Variants in UBE2V2 observed in about 807,000 individuals in gnomAD.
UBE2V2 encodes ubiquitin-conjugating enzyme E2 variant 2.
UBE2V2 carries 9 observed loss-of-function variants against 17.2 expected under a neutral mutation model. That is an observed-to-expected ratio of 0.52 (90% confidence interval 0.32 to 0.91). The LOEUF (loss-of-function observed/expected upper bound fraction) is 0.91. UBE2V2 is among the 40% of genes least tolerant of loss of function. The pLI is 0.04. For synonymous variants in UBE2V2, 61 were observed against 57.5 expected (o/e 1.06, Z -0.28); for missense variants, 133 against 182.6 (o/e 0.73, Z 1.56).
chr8:48,000,562 C>T, the UBE2V2 span, among the ~76,000 whole-genome samples: 1 of 152,122 alleles, frequency 6.6e-6, no homozygotes, highest in Non-Finnish European at 1.5e-5. Context: ...TGGCTCATGC[C>T]TGTAATCCCA....
At chr8:48,005,712 T>G (rs1357247002), upstream of UBE2V2, among the ~76,000 whole-genome samples, 1 of 152,258 alleles carries the variant, frequency 6.6e-6, no homozygotes, top group Admixed American at 6.5e-5. Flanking sequence ...ATCACCATTC[T>G]ACCTGGTGTG....
Position 48,043,061 on chromosome 8 carries a change from G to T in UBE2V2, c.45G>T (p.Leu15Phe). 6.3e-7 allele frequency: 1 copy of T among 1,576,436 alleles called. No individual in the cohort carries two copies. The highest frequency in any genetic ancestry group is 8.6e-7 in the Non-Finnish European group (1 of 1,161,030). Residue 15 changes from leucine (L) to phenylalanine (F), a missense_variant, in exon 2 of 4, where the codon TTG becomes TTT. By Grantham distance (22) the Leu-to-Phe change is conservative. This residue lies in a region of UBE2V2 where 27 missense variants were observed against 20.1 expected (regional missense o/e 1.34). Coordinates refer to ENST00000523111, the MANE Select transcript of UBE2V2 (RefSeq NM_003350.3). ...TTAAAGTTCCTCGTAATTTTCGCTTGTTGGAAGAACTTGAAGAAGGACAAA... is the reference window on the plus strand; with the variant it reads ...TTAAAGTTCCTCGTAATTTTCGCTTTTTGGAAGAACTTGAAGAAGGACAAA... Reference protein sequence around the residue: ...TGVKVPRNFRLLEELEEGQKG... With the variant: ...TGVKVPRNFRFLEELEEGQKG...
chr8:48,035,667 A>G (rs1319197421), intron 1 of UBE2V2, among the ~76,000 whole-genome samples: 2 of 54,404 alleles, frequency 3.7e-5, no homozygotes, highest in African/African-American at 8.8e-5. Context: ...GTGTATATGT[A>G]TGTATGCTTT....
At chr8:48,042,938 T>C (rs944692964) in intron 1 of UBE2V2, 95 bp from the exon 2 acceptor site, 4 of 1,253,078 alleles carry the variant, frequency 3.2e-6, no homozygotes, top group Admixed American at 3.0e-5. Context: ...TGGGAAATAA[T>C]TTATAAAGGT....
chr8:48,011,532 G>C (rs1469970491), intron 1 of UBE2V2, among the ~76,000 whole-genome samples: 1 of 152,084 alleles, frequency 6.6e-6, no homozygotes, highest in Non-Finnish European at 1.5e-5. Flanking sequence ...TTGTTTAAGA[G>C]GCCAAAAAGA....
chr8:48,029,047 C>A (rs1162655489), intron 1 of UBE2V2, among the ~76,000 whole-genome samples: 2 of 152,048 alleles, frequency 1.3e-5, no homozygotes, highest in Non-Finnish European at 2.9e-5. Flanking sequence ...CTAGCTGGTA[C>A]TTTGTTTTAA....
intron 3 of UBE2V2, among the ~76,000 whole-genome samples, chr8:48,052,465 T>C (rs1198494609): frequency 6.6e-6 from 1 of 152,180 alleles, no homozygotes; most frequent in African/African-American, 2.4e-5. Context: ...GTAGTTGATA[T>C]TTTGCCTCCC....
At chr8:48,002,773 C>A in the UBE2V2 span, among the ~76,000 whole-genome samples, 6 of 152,240 alleles carry the variant, frequency 3.9e-5, no homozygotes, top group South Asian at 1.2e-3. Flanking sequence ...TTAATAACAA[C>A]GTACTGTATT....
chr8:48,011,716 C>T (rs1020585464), intron 1 of UBE2V2, among the ~76,000 whole-genome samples: 1 of 152,146 alleles, frequency 6.6e-6, no homozygotes. Context: ...CAGTGGCATG[C>T]GATCATGGCT....
chr8:48,055,344 C>T lies in UBE2V2; in HGVS notation c.292-5338C>T, dbSNP rs576100048. Among the ~76,000 whole-genome samples the T allele has an allele frequency of 1.3e-5, 2 of 151,764 alleles. 1 individual carries two copies. The highest frequency in any genetic ancestry group is 4.8e-5 in the African/African-American group (2 of 41,384). On this transcript the variant is annotated intron_variant, in intron 3 of 3. Coordinates refer to ENST00000523111, the MANE Select transcript of UBE2V2 (RefSeq NM_003350.3). ...CCTCCCTAGTAGCTGGGATTACAGGCGCCCGCCAACATGACCAGCTAATTT... is the reference window on the plus strand; with the variant it reads ...CCTCCCTAGTAGCTGGGATTACAGGTGCCCGCCAACATGACCAGCTAATTT...
At chr8:48,047,445 G>C (rs188367606) in intron 2 of UBE2V2, among the ~76,000 whole-genome samples, 1 of 152,132 alleles carries the variant, frequency 6.6e-6, no homozygotes, top group East Asian at 1.9e-4. Flanking sequence ...GTGAAATAAT[G>C]ATTAGATAAT....
chr8:47,997,835 G>A, the UBE2V2 span, among the ~76,000 whole-genome samples: 3 of 151,904 alleles, frequency 2.0e-5, no homozygotes, highest in African/African-American at 4.8e-5. Flanking sequence ...GGAGGCATAC[G>A]GTGGGGGGGT....
chr8:48,038,001 T>C (rs895289683), intron 1 of UBE2V2, among the ~76,000 whole-genome samples: 4 of 152,310 alleles, frequency 2.6e-5, no homozygotes, highest in Admixed American at 2.6e-4. Flanking sequence ...TCTGACTCTT[T>C]GCTCTCATAC....
At chr8:48,042,777 A>T (rs1286914741) in intron 1 of UBE2V2, 2 of 283,444 alleles carry the variant, frequency 7.1e-6, no homozygotes, top group Admixed American at 9.8e-5. Context: ...ATTGACTTAC[A>T]TCAGTATAAA....
At chr8:48,020,062 G>T (rs57374491) in intron 1 of UBE2V2, among the ~76,000 whole-genome samples, 2,189 of 118,504 alleles carry the variant, frequency 0.018, 42 homozygotes, top group African/African-American at 0.063. Flanking sequence ...TTTTTTTTTT[G>T]AGACAAGGTC....
upstream of UBE2V2, among the ~76,000 whole-genome samples, chr8:48,006,105 T>C (rs1426160589): frequency 1.3e-5 from 2 of 152,236 alleles, no homozygotes; most frequent in East Asian, 3.8e-4. Flanking sequence ...ACATCCTGAA[T>C]GGTATTGCCT....
At chr8:48,039,346 G>C (rs956661780) in intron 1 of UBE2V2, among the ~76,000 whole-genome samples, 2 of 152,170 alleles carry the variant, frequency 1.3e-5, no homozygotes, top group African/African-American at 4.8e-5. Context: ...ATATCTACAC[G>C]TTTGCCCAGA....
At chr8:48,047,631 C>T (rs1373443132) in intron 2 of UBE2V2, among the ~76,000 whole-genome samples, 1 of 151,588 alleles carries the variant, frequency 6.6e-6, no homozygotes, top group Non-Finnish European at 1.5e-5. Context: ...GATCTCAGCT[C>T]ACTGCAGTTG....
chr8:48,020,938 C>T (rs893284983), intron 1 of UBE2V2, among the ~76,000 whole-genome samples: 4 of 149,428 alleles, frequency 2.7e-5, no homozygotes, highest in Admixed American at 2.0e-4. Flanking sequence ...GTAGAGACAA[C>T]GTCTTGCTAT....
Sources: gnomAD v4.1 joint callset for allele counts (sites outside exome capture counted in the v4.1 genomes callset) on GRCh38, gnomAD v4.1.1 for gene constraint, gnomAD v4.1.1 regional missense constraint, MANE v1.5 for transcripts, NCBI Gene and HGNC (gene_info 2026-07-23, HGNC 2026-07-21) for gene names.